Variants in MYO16 observed in about 807,000 individuals in gnomAD.
The protein encoded by MYO16 is myosin XVI, also known as unconventional myosin-XVI.
A neutral mutation model predicts 205.3 loss-of-function variants in MYO16; 94 were observed. The observed-to-expected ratio is 0.46, with a 90% CI of 0.39 to 0.54. The LOEUF (loss-of-function observed/expected upper bound fraction) is 0.54, where lower values mean the gene tolerates loss of function less well. Among genes scored for constraint, MYO16 ranks in the 20% least tolerant of loss-of-function variants. The pLI, the probability that MYO16 is intolerant of heterozygous loss-of-function variation, is 0.00. For missense variants in MYO16, 2,315 were observed against 2,387.5 expected, an observed-to-expected ratio of 0.97 and a Z score of 0.63; for synonymous variants, 988 against 954.0, an observed-to-expected ratio of 1.04 and a Z score of -0.66.
intron 32 of MYO16, among the ~76,000 whole-genome samples, chr13:109,150,058 G>A (rs1877568623): frequency 6.6e-6 from 1 of 152,148 alleles, no homozygotes; most frequent in Non-Finnish European, 1.5e-5. Flanking sequence ...AGACCCACCA[G>A]AAATTAAATG....
chr13:108,530,140 C>T, the MYO16 span, among the ~76,000 whole-genome samples: 1 of 152,158 alleles, frequency 6.6e-6, no homozygotes, highest in Non-Finnish European at 1.5e-5. Flanking sequence ...TTCTGTGGAT[C>T]CTTCCATTTC....
At chr13:108,561,271 A>G in the MYO16 span, among the ~76,000 whole-genome samples, 2 of 152,232 alleles carry the variant, frequency 1.3e-5, no homozygotes, top group African/African-American at 2.4e-5. Flanking sequence ...TCTCTTTCCC[A>G]TTAGTTCAAC....
At chr13:108,566,453 T>C in the MYO16 span, among the ~76,000 whole-genome samples, 1 of 151,804 alleles carries the variant, frequency 6.6e-6, no homozygotes, top group African/African-American at 2.4e-5. Flanking sequence ...TCAATTTTAT[T>C]TATCTTTTCA....
chr13:108,598,385 T>C (rs1878639345), intron 1 of MYO16, among the ~76,000 whole-genome samples: 1 of 152,224 alleles, frequency 6.6e-6, no homozygotes, highest in Non-Finnish European at 1.5e-5. Context: ...AATAAAATTC[T>C]TATTTGTGTT....
intron 20 of MYO16, among the ~76,000 whole-genome samples, chr13:108,980,200 C>T (rs895940036): frequency 2.0e-5 from 3 of 151,990 alleles, no homozygotes; most frequent in South Asian, 2.1e-4. Flanking sequence ...AAAATGTATA[C>T]GAAATGCAAT....
chr13:108,806,278 A>G (rs1016065866), intron 6 of MYO16, among the ~76,000 whole-genome samples: 3 of 152,230 alleles, frequency 2.0e-5, no homozygotes, highest in Non-Finnish European at 2.9e-5. Context: ...TATTCTTTGA[A>G]TCACTTTCTA....
chr13:108,503,303 G>A, the MYO16 span, among the ~76,000 whole-genome samples: 19 of 152,122 alleles, frequency 1.2e-4, no homozygotes, highest in African/African-American at 3.4e-4. Flanking sequence ...CAGGCACAGC[G>A]CAGGCAACAA....
At chr13:108,897,892 C>G (rs1259339685) in intron 14 of MYO16, 124 bp from the exon 15 acceptor site, 9 of 763,664 alleles carry the variant, frequency 1.2e-5, no homozygotes, top group East Asian at 5.1e-5. Flanking sequence ...TTCAATATAG[C>G]ATTCTATGAG....
At chr13:108,893,295 T>C (rs1880256390) in intron 14 of MYO16, among the ~76,000 whole-genome samples, 1 of 152,232 alleles carries the variant, frequency 6.6e-6, no homozygotes. Context: ...ATTAAGTATA[T>C]TTAAGAGATG....
At chr13:108,517,504 C>T in the MYO16 span, among the ~76,000 whole-genome samples, 1 of 152,164 alleles carries the variant, frequency 6.6e-6, no homozygotes, top group East Asian at 1.9e-4. Flanking sequence ...GTCTTTACAA[C>T]AGACACTTGG....
Position 108,747,172 on chromosome 13 carries a change from A to G in MYO16, c.507+19589A>G, listed in dbSNP as rs537414495. 7.2e-5 allele frequency among the ~76,000 whole-genome samples: 11 copies of G among 152,342 alleles called. No individual in the cohort carries two copies. In the South Asian group the frequency reaches 2.3e-3, roughly 32 times the overall value. ...CAAGAAATGTTAAAATAAGTTGTTA[A>G]ACAACATAAACAGGAAAATTGTATA... On this transcript the variant is annotated intron_variant, in intron 4 of 34. Transcript: ENST00000457511.
chr13:108,903,362 AT>A (rs1421194121), intron 15 of MYO16, among the ~76,000 whole-genome samples: 1 of 127,434 alleles, frequency 7.8e-6, no homozygotes, highest in Non-Finnish European at 1.6e-5. Context: ...AACATCATGT[AT>A]ACAGGGTTTG....
chr13:108,675,925 A>G (rs1265547281), intron 2 of MYO16, among the ~76,000 whole-genome samples: 1 of 152,206 alleles, frequency 6.6e-6, no homozygotes, highest in Non-Finnish European at 1.5e-5. Context: ...ATTTCTGCAG[A>G]TAAGGTTACG....
intron 1 of MYO16, among the ~76,000 whole-genome samples, chr13:108,612,260 T>A (rs962022106): frequency 6.6e-6 from 1 of 152,084 alleles, no homozygotes; most frequent in Non-Finnish European, 1.5e-5. Flanking sequence ...AGTTAGTGAA[T>A]GCTTAAGGAA....
chr13:109,019,585 G>T, intron 22 of MYO16, 126 bp from the exon 23 acceptor site: 1 of 708,298 alleles, frequency 1.4e-6, no homozygotes, highest in Non-Finnish European at 2.3e-6. Context: ...TTAAGGTAAA[G>T]ACTGATTCAT....
chr13:108,651,418 G>C (rs988825738), intron 1 of MYO16, among the ~76,000 whole-genome samples: 3 of 152,200 alleles, frequency 2.0e-5, no homozygotes, highest in African/African-American at 7.2e-5. Context: ...TCCACTGAAA[G>C]CTTTTGATCA....
intron 21 of MYO16, among the ~76,000 whole-genome samples, chr13:108,998,883 A>G (rs936121661): frequency 6.6e-6 from 1 of 152,114 alleles, no homozygotes; most frequent in East Asian, 1.9e-4. Flanking sequence ...TTGTTGGATG[A>G]TTTTTCTAGA....
chr13:108,718,926 A>C (rs1412676249), intron 3 of MYO16, among the ~76,000 whole-genome samples: 1 of 152,076 alleles, frequency 6.6e-6, no homozygotes, highest in African/African-American at 2.4e-5. Flanking sequence ...AGGGGACAAA[A>C]GGGCAACAGA....
At chr13:109,011,300 G>T (rs1435458118) in intron 22 of MYO16, among the ~76,000 whole-genome samples, 2 of 151,866 alleles carry the variant, frequency 1.3e-5, no homozygotes, top group African/African-American at 4.8e-5. Context: ...AAAGAAGGTG[G>T]CTGTCATTAT....
Sources: allele counts gnomAD v4.1 joint callset (sites outside exome capture counted in the v4.1 genomes callset), GRCh38; gene constraint gnomAD v4.1.1; transcripts MANE v1.5; gene names NCBI Gene and HGNC (gene_info 2026-07-23, HGNC 2026-07-21).